Variants in CIMAP3 observed in about 807,000 individuals in gnomAD.
CIMAP3 encodes the protein ciliary microtubule-associated protein 3.
At chr1:111,348,593 T>C in the CIMAP3 span, 1 of 1,613,164 alleles carries the variant, frequency 6.2e-7, no homozygotes, top group Non-Finnish European at 8.5e-7. Flanking sequence ...TTGCTCCATT[T>C]AATGTCTTGG....
the CIMAP3 span, chr1:111,349,195 A>G: frequency 8.6e-4 from 131 of 152,498 alleles, no homozygotes; most frequent in African/African-American, 2.9e-3. Flanking sequence ...AAAGGGTTGA[A>G]GAAATGACAG....
the CIMAP3 span, among the ~76,000 whole-genome samples, chr1:111,336,480 A>G: frequency 6.6e-5 from 10 of 152,210 alleles, no homozygotes; most frequent in Non-Finnish European, 1.0e-4. Flanking sequence ...TAACTAGAAT[A>G]ACCAATACAG....
the CIMAP3 span, among the ~76,000 whole-genome samples, chr1:111,325,667 A>T: frequency 3.3e-5 from 5 of 152,206 alleles, no homozygotes; most frequent in Non-Finnish European, 5.9e-5. Context: ...AAAGTAAAGG[A>T]GAAAAAATAA....
At chr1:111,345,684 G>T in the CIMAP3 span, among the ~76,000 whole-genome samples, 1 of 152,166 alleles carries the variant, frequency 6.6e-6, no homozygotes, top group Non-Finnish European at 1.5e-5. Context: ...CACCTGTAAA[G>T]GGTCAAAGTA....
At chr1:111,325,944 T>C in the CIMAP3 span, among the ~76,000 whole-genome samples, 77 of 152,346 alleles carry the variant, frequency 5.1e-4, 1 homozygote, top group East Asian at 0.013. Context: ...ATAGCTTTAG[T>C]TGAAATAGGA....
At chr1:111,324,963 G>A in the CIMAP3 span, 1 of 824,440 alleles carries the variant, frequency 1.2e-6, no homozygotes, top group Non-Finnish European at 1.5e-6. Flanking sequence ...CTGGAAAGAA[G>A]TAGAATATTC....
chr1:111,347,773 GTAA>G, the CIMAP3 span: 1 of 1,601,248 alleles, frequency 6.2e-7, no homozygotes. Context: ...AATACAGAAG[GTAA>G]TGTGCTGGGA....
At chr1:111,343,355 C>T in the CIMAP3 span, among the ~76,000 whole-genome samples, 2 of 152,116 alleles carry the variant, frequency 1.3e-5, no homozygotes, top group Non-Finnish European at 2.9e-5. Flanking sequence ...AATAATAATT[C>T]TTATATGTCC....
the CIMAP3 span, among the ~76,000 whole-genome samples, chr1:111,343,754 A>G: frequency 6.6e-6 from 1 of 152,234 alleles, no homozygotes; most frequent in Non-Finnish European, 1.5e-5. Flanking sequence ...TGCATCACTC[A>G]GGATGTAGAT....
At chr1:111,347,073 T>A in the CIMAP3 span, 1 of 1,579,962 alleles carries the variant, frequency 6.3e-7, no homozygotes, top group East Asian at 2.3e-5. Flanking sequence ...TCCCCTTAGA[T>A]GCTCCTCAGT....
chr1:111,324,992 C>A, the CIMAP3 span: 4 of 663,068 alleles, frequency 6.0e-6, no homozygotes, highest in Non-Finnish European at 7.5e-6. Flanking sequence ...TCTGATTACA[C>A]AAGTTCTCTG....
chr1:111,340,925 T>G, the CIMAP3 span, among the ~76,000 whole-genome samples: 1 of 152,018 alleles, frequency 6.6e-6, no homozygotes, highest in African/African-American at 2.4e-5. Flanking sequence ...TATTGCGACA[T>G]TATTCACAAT....
the CIMAP3 span, among the ~76,000 whole-genome samples, chr1:111,337,594 A>T: frequency 4.6e-5 from 7 of 152,334 alleles, 1 homozygote; most frequent in East Asian, 1.4e-3. Context: ...ATCAAGAGAC[A>T]AAGAAGGCCG....
chr1:111,328,008 G>C, the CIMAP3 span, among the ~76,000 whole-genome samples: 1 of 151,912 alleles, frequency 6.6e-6, no homozygotes, highest in Non-Finnish European at 1.5e-5. Flanking sequence ...TCCTTTTAAC[G>C]CTACTTTAGC....
At chr1:111,347,618 C>CTTTTTTTTTTTTTTTTTTTTTTT in the CIMAP3 span, 1 of 928,428 alleles carries the variant, frequency 1.1e-6, no homozygotes, top group African/African-American at 1.9e-5. Context: ...GTTGTTTTTT[C>CTTTTTTTTTTTTTTTTTTTTTTT]TTTCTTTTTT....
chr1:111,325,703 A>G, the CIMAP3 span, among the ~76,000 whole-genome samples: 2 of 152,230 alleles, frequency 1.3e-5, no homozygotes, highest in African/African-American at 4.8e-5. Context: ...TATGGATTTC[A>G]GTACATAAAT....
chr1:111,347,064 C>A, the CIMAP3 span: 1 of 1,592,890 alleles, frequency 6.3e-7, no homozygotes, highest in Non-Finnish European at 8.6e-7. Context: ...GTATTCACCT[C>A]CCCTTAGATG....
the CIMAP3 span, chr1:111,348,609 C>T: frequency 2.5e-5 from 41 of 1,612,148 alleles, no homozygotes; most frequent in Middle Eastern, 1.6e-4. Flanking sequence ...CTTGGTGCCT[C>T]GATTTAAGAA....
chr1:111,328,021 G>T, the CIMAP3 span, among the ~76,000 whole-genome samples: 6 of 151,934 alleles, frequency 3.9e-5, no homozygotes, highest in Non-Finnish European at 8.8e-5. Context: ...ACTTTAGCTG[G>T]GTCCCAGAGA....
Sources: gnomAD v4.1 joint callset for allele counts (sites outside exome capture counted in the v4.1 genomes callset) on GRCh38, gnomAD v4.1.1 for gene constraint, MANE v1.5 for transcripts, NCBI Gene and HGNC (gene_info 2026-07-23, HGNC 2026-07-21) for gene names.